The following PLCB2 variants were observed in gnomAD, a reference collection of about 807,000 sequenced individuals.
The protein encoded by PLCB2 is phospholipase C beta 2.
Under a neutral mutation model 141.7 loss-of-function variants are expected in PLCB2, and 115 were observed. The observed-to-expected ratio is 0.81, with a 90% CI of 0.70 to 0.95. PLCB2 has a LOEUF of 0.95. PLCB2 is among the 40% of genes least tolerant of loss of function. The pLI, the probability that PLCB2 is intolerant of heterozygous loss-of-function variation, is 0.00. For missense variants in PLCB2, 1,403 were observed against 1,541.1 expected, an observed-to-expected ratio of 0.91 and a Z score of 1.50; for synonymous variants, 603 against 595.6, an observed-to-expected ratio of 1.01 and a Z score of -0.18.
rs1230552156 is a variant in PLCB2 at position 40,297,302 on chromosome 15, G to GC, written c.1323+218_1323+219insG. Among the ~76,000 whole-genome samples, 1 of 120,986 alleles carries GC rather than the reference G, an allele frequency of 8.3e-6. No individual in the cohort carries two copies. Among genetic ancestry groups the GC allele is most frequent in the African/African-American group, 3.3e-5 (1 of 30,682 alleles). The allele number at this position is 120,986 out of a possible 152,430, so 79.4% of individuals were successfully genotyped here. A position where few individuals can be genotyped will look rare whatever the true frequency, so the allele number is the denominator to read the frequency against. Reference sequence around the variant, plus strand: ...GTTACTTGTCTGTCTCCTCACTAGAGGGTAATACACCTGAGGGCAGTGACT... The same window carrying GC: ...GTTACTTGTCTGTCTCCTCACTAGAGCGGTAATACACCTGAGGGCAGTGACT... On this transcript the variant is annotated intron_variant, in intron 13 of 31. Coordinates refer to ENST00000260402, the MANE Select transcript of PLCB2 (RefSeq NM_004573.3). This position sits in a 1 kb window ranked among gnomAD's most constrained non-coding sequence, Gnocchi z 4.2.
chr15:40,284,836 CAAAAAAAAA>C (rs56397946), downstream of PLCB2, among the ~76,000 whole-genome samples: 1,239 of 74,868 alleles, frequency 0.017, 19 homozygotes, highest in South Asian at 0.12. Context: ...GAGACTCCGT[CAAAAAAAAA>C]AAAAAAAAAA....
rs1427357473 is a variant in PLCB2 at position 40,288,060 on chromosome 15, G to T, written c.*655C>A. 2.0e-6 allele frequency: 2 copies of T among 985,396 alleles called. No individual in the cohort carries two copies. Among genetic ancestry groups the T allele is most frequent in the African/African-American group, 3.5e-5 (2 of 57,234 alleles). The allele number at this position is 985,396 out of a possible 1,614,324, so 61.0% of individuals were successfully genotyped here. ...CCTGCCCCCAGGCCTAGGAAGAGGG[G>T]TGAGCCAGGGTCAGGGTGGAACAGC... On this transcript the variant is annotated 3_prime_UTR_variant, in exon 32 of 32. Transcript: ENST00000260402.
Position 40,290,575 on chromosome 15 carries a change from A to T in PLCB2, c.3209+2T>A, listed in dbSNP as rs1173100450. The T allele has an allele frequency of 1.2e-6, 2 of 1,611,310 alleles. No individual in the cohort carries two copies. Among genetic ancestry groups the T allele is most frequent in the Non-Finnish European group, 1.7e-6 (2 of 1,177,580 alleles). ...GCCCTGGGCCTCCCCTCCAGGGCTC[A>T]CCTCTCCTGGGCCATCTTGTCTGTG... is the stretch of plus-strand genomic sequence containing the variant. On this transcript the variant is annotated splice_donor_variant, in intron 29 of 31. Transcript: ENST00000260402. LOFTEE classifies it high-confidence loss of function.
intron 7 of PLCB2, chr15:40,300,669 T>C (rs1040918009): frequency 2.0e-5 from 3 of 152,162 alleles, no homozygotes; most frequent in African/African-American, 7.2e-5. Context: ...GAAAAGCATA[T>C]ATTTATGATT....
At chr15:40,298,177 C>T (rs756217846) in intron 11 of PLCB2, 46 bp downstream of exon 11, 2 of 1,523,380 alleles carry the variant, frequency 1.3e-6, no homozygotes, top group Non-Finnish European at 1.8e-6. Flanking sequence ...GGCCCAGAGC[C>T]CTTCCCTACT....
Position 40,297,626 on chromosome 15 carries a change from G to A in PLCB2, c.1239-21C>T, listed in dbSNP as rs563547202. The A allele has an allele frequency of 1.4e-5, 23 of 1,600,808 alleles. 1 individual carries two copies. In the South Asian group the frequency reaches 2.4e-4, roughly 17 times the overall value. ...GGGGTCTGCGGGGAGCAAAAGCGGG[G>A]ATGGGGTTCAGCCGCTCAGCACCAA... On this transcript the variant is annotated intron_variant, in intron 12 of 31. Coordinates refer to ENST00000260402, the MANE Select transcript of PLCB2 (RefSeq NM_004573.3). The surrounding 1 kb of genome is among the most constrained non-coding windows in gnomAD (Gnocchi z 4.2).
intron 1 of PLCB2, among the ~76,000 whole-genome samples, chr15:40,305,974 C>A (rs1019541261): frequency 6.6e-6 from 1 of 152,148 alleles, no homozygotes; most frequent in Admixed American, 6.6e-5. Context: ...TTGATTATAG[C>A]CAGTTTCTGA....
In PLCB2 at chr15:40,298,712, G is replaced by T. The variant is rs769967038; in HGVS notation, c.851-4C>A. 25 of 1,613,802 alleles carry T rather than the reference G, an allele frequency of 1.5e-5. No individual in the cohort carries two copies. Among genetic ancestry groups the T allele is most frequent in the Non-Finnish European group, 2.1e-5 (25 of 1,179,838 alleles). ...ATGCCTTCAGGTGACAGCTGGCCTG[G>T]GGGACAGGAGATAGCTGTCAGGCTA... On this transcript the variant is annotated splice_polypyrimidine_tract_variant and splice_region_variant and intron_variant, in intron 9 of 31. Coordinates refer to ENST00000260402, the MANE Select transcript of PLCB2 (RefSeq NM_004573.3).
At chr15:40,294,169 C>G in intron 19 of PLCB2, 97 bp downstream of exon 19, 1 of 1,236,024 alleles carries the variant, frequency 8.1e-7, no homozygotes, top group Non-Finnish European at 1.2e-6. Context: ...TCCAGGATAT[C>G]AGGGGAGGGG....
In PLCB2 at chr15:40,302,367, GCAGCGGT is replaced by G; in HGVS notation, c.373-25_373-19del. 1 of 1,613,208 alleles carries G rather than the reference GCAGCGGT, an allele frequency of 6.2e-7. No homozygotes were observed. The highest frequency in any genetic ancestry group is 8.5e-7 in the Non-Finnish European group (1 of 1,179,514). On this transcript the variant is annotated intron_variant, in intron 4 of 31. Coordinates refer to ENST00000260402, the MANE Select transcript of PLCB2 (RefSeq NM_004573.3). ...GCCCAGGCCTGCAGGACCACAGAGAGCAGCGGTCAGGCTCCTGAGCACCCCCGCCCAG... is the reference window on the plus strand; with the variant it reads ...GCCCAGGCCTGCAGGACCACAGAGAGCAGGCTCCTGAGCACCCCCGCCCAG...
intron 30 of PLCB2, chr15:40,289,645 T>G (rs549542748): frequency 1.9e-6 from 1 of 523,784 alleles, no homozygotes; most frequent in South Asian, 2.4e-5. Flanking sequence ...GAGCTTCAGG[T>G]CCATTATTCC....
chr15:40,290,765 C>T lies in PLCB2; in HGVS notation c.3109G>A (p.Glu1037Lys), dbSNP rs1349484886. 3 of 1,613,844 alleles carry T rather than the reference C, an allele frequency of 1.9e-6. No homozygotes were observed. The highest frequency in any genetic ancestry group is 2.2e-5 in the South Asian group (2 of 91,078). The change falls in exon 28 of 32, where the codon GAG becomes AAG. Residue 1037 changes from glutamate to lysine, a missense_variant. Coordinates refer to ENST00000260402, the MANE Select transcript of PLCB2 (RefSeq NM_004573.3). The part of the protein sequence containing the change: ...AELKALKETS[E>K]NDTKEMKKKL... ...GTGGGAGGGAGGCAGTCGTACTTCT[C>T]CGACGTCTCCTTCAGGGCCTTCAGC...
intron 7 of PLCB2, chr15:40,301,308 CAG>C (rs2040493148): frequency 3.8e-6 from 2 of 531,554 alleles, no homozygotes; most frequent in Admixed American, 3.3e-5. Context: ...CAAGCAGGGA[CAG>C]GGGCTGAGAT....
In PLCB2 at chr15:40,302,262, G is replaced by A. The variant is rs2141158077; in HGVS notation, c.452+8C>T. On this transcript the variant is annotated splice_region_variant and intron_variant, in intron 5 of 31. Coordinates refer to ENST00000260402, the MANE Select transcript of PLCB2 (RefSeq NM_004573.3). ...CACCAGGGCTCAGGCCAGGCAGAGG[G>A]CACTTACATCTTGTCCAGGAAGGTG... 4.3e-6 allele frequency: 7 copies of A among 1,614,164 alleles called. No individual in the cohort carries two copies. The highest frequency in any genetic ancestry group is 5.9e-6 in the Non-Finnish European group (7 of 1,179,976).
rs1219335164 is a variant in PLCB2 at position 40,297,976 on chromosome 15, C to A, written c.1156-17G>T. 2 of 1,566,910 alleles carry A rather than the reference C, an allele frequency of 1.3e-6. No individual in the cohort carries two copies. The highest frequency in any genetic ancestry group is 8.8e-7 in the Non-Finnish European group (1 of 1,138,604). On this transcript the variant is annotated splice_polypyrimidine_tract_variant and intron_variant, in intron 11 of 31. Coordinates refer to ENST00000260402, the MANE Select transcript of PLCB2 (RefSeq NM_004573.3). The surrounding 1 kb of genome is among the most constrained non-coding windows in gnomAD (Gnocchi z 4.2). ...AATTGCTTCCTGGAGGAGAAGGAGA[C>A]TCCATGAACAGAAGGTCAGCGTTCC...
At chr15:40,289,541 C>T in intron 30 of PLCB2, 183 bp from the exon 31 acceptor site, 1 of 605,428 alleles carries the variant, frequency 1.7e-6, no homozygotes, top group Non-Finnish European at 2.9e-6. Flanking sequence ...AAAGATTATA[C>T]AAGACAGCTC....
At chr15:40,296,935 C>A in intron 13 of PLCB2, 27 bp from the exon 14 acceptor site, 1 of 1,611,776 alleles carries the variant, frequency 6.2e-7, no homozygotes, top group Non-Finnish European at 8.5e-7. Context: ...AGGTCAGCAC[C>A]ATCTTCTCAC....
intron 19 of PLCB2, 143 bp from the exon 20 acceptor site, chr15:40,293,867 A>G: frequency 2.6e-6 from 2 of 762,606 alleles, no homozygotes; most frequent in Non-Finnish European, 4.1e-6. Flanking sequence ...CCATGAGTAG[A>G]GAGGCTGTGT....
At chr15:40,298,986 A>C in intron 8 of PLCB2, 22 bp from the exon 9 acceptor site, 1 of 1,601,338 alleles carries the variant, frequency 6.2e-7, no homozygotes, top group Non-Finnish European at 8.5e-7. Flanking sequence ...AGAGAAGAGC[A>C]CAGGTCCATA....
Sources: allele counts gnomAD v4.1 joint callset (sites outside exome capture counted in the v4.1 genomes callset), GRCh38; gene constraint gnomAD v4.1.1; non-coding constraint Gnocchi (gnomAD v3.1); transcripts MANE v1.5; gene names NCBI Gene and HGNC (gene_info 2026-07-23, HGNC 2026-07-21).